The following CA8 variants were observed in gnomAD, a reference collection of about 807,000 sequenced individuals.
CA8 encodes carbonic anhydrase 8 (inactive), also known as carbonic anhydrase-related protein.
Under a neutral mutation model 41.4 loss-of-function variants are expected in CA8, and 22 were observed. The observed-to-expected ratio is 0.53, with a 90% CI of 0.38 to 0.76. The LOEUF is 0.76. CA8 is among the 30% of genes least tolerant of loss of function. The pLI is 0.00. For missense variants in CA8, 270 were observed against 352.8 expected, an observed-to-expected ratio of 0.77 and a Z score of 1.88; for synonymous variants, 121 against 130.6, an observed-to-expected ratio of 0.93 and a Z score of 0.50.
chr8:60,225,336 C>A (rs1807395256), intron 5 of CA8, among the ~76,000 whole-genome samples: 1 of 152,032 alleles, frequency 6.6e-6, no homozygotes, highest in African/African-American at 2.4e-5. Context: ...TATTGCATAA[C>A]CTCCAAGTCC....
At chr8:60,208,077 T>C (rs13261565) in intron 8 of CA8, 57,592 of 152,156 alleles carry the variant, frequency 0.38, 11,232 homozygotes, top group Admixed American at 0.45. Flanking sequence ...AATATATAGT[T>C]TGTTTTATAT....
intron 3 of CA8, among the ~76,000 whole-genome samples, chr8:60,241,767 T>C (rs985820753): frequency 1.3e-5 from 2 of 151,968 alleles, no homozygotes; most frequent in African/African-American, 2.4e-5. Flanking sequence ...AAAACCTGAA[T>C]TGTAGGCTAT....
At chr8:60,276,936 T>A (rs1804256655) in intron 2 of CA8, among the ~76,000 whole-genome samples, 1 of 152,018 alleles carries the variant, frequency 6.6e-6, no homozygotes, top group Non-Finnish European at 1.5e-5. Context: ...CTGACCAACA[T>A]GGTGAAACCT....
chr8:60,231,196 T>C (rs1585880743), intron 4 of CA8, among the ~76,000 whole-genome samples: 1 of 152,208 alleles, frequency 6.6e-6, no homozygotes, highest in African/African-American at 2.4e-5. Context: ...TTTCTAGTTA[T>C]ATAACGCCGT....
chr8:60,241,806 T>G (rs963143510), intron 3 of CA8, among the ~76,000 whole-genome samples: 2 of 152,114 alleles, frequency 1.3e-5, no homozygotes, highest in African/African-American at 4.8e-5. Flanking sequence ...ATAACTTCCC[T>G]ACTTCATTTA....
At chr8:60,202,938 A>G (rs907810820) in intron 8 of CA8, among the ~76,000 whole-genome samples, 1 of 152,226 alleles carries the variant, frequency 6.6e-6, no homozygotes, top group Non-Finnish European at 1.5e-5. Flanking sequence ...AGTATGTTAC[A>G]AACTTGTTTG....
At chr8:60,219,899 A>T (rs1462096542) in intron 7 of CA8, among the ~76,000 whole-genome samples, 1 of 147,510 alleles carries the variant, frequency 6.8e-6, no homozygotes, top group Non-Finnish European at 1.5e-5. Flanking sequence ...ATATGCCTAC[A>T]AAACCTCTAG....
At chr8:60,199,950 G>A (rs1476557485) in intron 8 of CA8, among the ~76,000 whole-genome samples, 1 of 152,064 alleles carries the variant, frequency 6.6e-6, no homozygotes, top group African/African-American at 2.4e-5. Flanking sequence ...TCTGAGGGTT[G>A]TCAGTGTTTA....
chr8:60,264,102 T>C (rs1010640857), intron 3 of CA8, among the ~76,000 whole-genome samples: 1 of 152,246 alleles, frequency 6.6e-6, no homozygotes, highest in Non-Finnish European at 1.5e-5. Context: ...CTGTGCTTAA[T>C]GGACCGGAGC....
At chr8:60,224,415 CAG>C in intron 6 of CA8, 120 bp downstream of exon 6, 1 of 690,816 alleles carries the variant, frequency 1.4e-6, no homozygotes, top group Non-Finnish European at 2.6e-6. Context: ...ATCTGCTAAA[CAG>C]AATACAAATT....
intron 2 of CA8, among the ~76,000 whole-genome samples, chr8:60,267,380 A>T (rs1317626879): frequency 6.6e-6 from 1 of 152,250 alleles, no homozygotes; most frequent in African/African-American, 2.4e-5. Flanking sequence ...GACAAGGAAC[A>T]TCCAGAGCAA....
intron 8 of CA8, among the ~76,000 whole-genome samples, chr8:60,204,579 A>G (rs62511576): frequency 0.051 from 7,840 of 152,310 alleles, 227 homozygotes; most frequent in South Asian, 0.1. Context: ...AATAATTTTT[A>G]TATCACATAA....
rs1335992506 is a variant in CA8 at position 60,188,920 on chromosome 8, C to T, written c.*1101G>A. On this transcript the variant is annotated 3_prime_UTR_variant, in exon 9 of 9. Transcript: ENST00000317995. ...TCTATGACTTAGATATTCTGCATCA[C>T]AAAATCCCTCCAAACTGGGACTATG... 6.6e-6 allele frequency: 1 copy of T among 152,148 alleles called. No homozygotes were observed. Among genetic ancestry groups the T allele is most frequent in the Non-Finnish European group, 1.5e-5 (1 of 68,036 alleles). 9.4% of individuals were successfully genotyped at this position (152,148 alleles called of 1,614,324 possible).
At chr8:60,241,215 T>C (rs193098748) in intron 3 of CA8, among the ~76,000 whole-genome samples, 1 of 152,214 alleles carries the variant, frequency 6.6e-6, no homozygotes, top group African/African-American at 2.4e-5. Flanking sequence ...TAGACAGATA[T>C]AACAGTGACA....
At chr8:60,261,127 G>A (rs1349123608) in intron 3 of CA8, among the ~76,000 whole-genome samples, 1 of 152,012 alleles carries the variant, frequency 6.6e-6, no homozygotes, top group Non-Finnish European at 1.5e-5. Flanking sequence ...TGGCACAGGG[G>A]CCAAATATAG....
intron 4 of CA8, 43 bp downstream of exon 4, chr8:60,232,241 T>A (rs775347412): frequency 7.0e-7 from 1 of 1,426,462 alleles, no homozygotes; most frequent in Admixed American, 1.7e-5. Context: ...GATTTAGAAA[T>A]TAGCATCTCT....
intron 7 of CA8, among the ~76,000 whole-genome samples, chr8:60,213,674 C>A (rs1210330402): frequency 6.6e-6 from 1 of 152,016 alleles, no homozygotes; most frequent in Admixed American, 6.5e-5. Context: ...TAACTTTTTA[C>A]CTTGACTACA....
chr8:60,266,977 C>A (rs1419316097), intron 2 of CA8, among the ~76,000 whole-genome samples: 1 of 152,206 alleles, frequency 6.6e-6, no homozygotes, highest in African/African-American at 2.4e-5. Flanking sequence ...ACACCTTCAT[C>A]TTTCCTAGAA....
chr8:60,237,181 C>G (rs535484774), intron 3 of CA8, among the ~76,000 whole-genome samples: 1 of 152,342 alleles, frequency 6.6e-6, no homozygotes, highest in Admixed American at 6.5e-5. Flanking sequence ...TCCTACAACT[C>G]TTTAGCTCTG....
Sources: allele counts gnomAD v4.1 joint callset (sites outside exome capture counted in the v4.1 genomes callset), GRCh38; gene constraint gnomAD v4.1.1; transcripts MANE v1.5; gene names NCBI Gene and HGNC (gene_info 2026-07-23, HGNC 2026-07-21).